Variants in RASA3 observed in about 807,000 individuals in gnomAD.
RASA3 encodes RAS p21 protein activator 3.
Under a neutral mutation model 110.0 loss-of-function variants are expected in RASA3, and 73 were observed. That is an observed-to-expected ratio of 0.66 (90% CI 0.55 to 0.81). The LOEUF (loss-of-function observed/expected upper bound fraction) is 0.81. Among genes scored for constraint, RASA3 ranks in the 30% least tolerant of loss-of-function variants. The probability of loss-of-function intolerance (pLI) is 0.00; values close to 1 mark genes in which losing one functional copy is unlikely to be tolerated. For missense variants in RASA3, 976 were observed against 1,113.2 expected (o/e 0.88, Z 1.75); for synonymous variants, 500 against 451.4 (o/e 1.11, Z -1.37).
intron 2 of RASA3, among the ~76,000 whole-genome samples, chr13:114,053,597 C>T (rs1214058410): frequency 6.6e-6 from 1 of 152,212 alleles, no homozygotes; most frequent in Admixed American, 6.5e-5. Context: ...GGCACAGGCC[C>T]CACCCCAGCC....
At chr13:114,125,936 C>T (rs1403771770) in intron 1 of RASA3, among the ~76,000 whole-genome samples, 1 of 123,458 alleles carries the variant, frequency 8.1e-6, no homozygotes, top group Non-Finnish European at 1.7e-5. Context: ...GGTACCGGCA[C>T]CTGCTGCCCA....
At chr13:114,101,937 C>T (rs1370652407) in intron 1 of RASA3, among the ~76,000 whole-genome samples, 3 of 152,162 alleles carry the variant, frequency 2.0e-5, no homozygotes, top group African/African-American at 4.8e-5. Flanking sequence ...TAAAGACAGA[C>T]GGGGCCCTCT....
At position 114,109,158 on chromosome 13, in the gene RASA3, C is replaced by T. The variant is rs1046192347; in HGVS notation, c.55+23277G>A. ...GGCCTGACAAACACACACGGGCCCC[C>T]GAACACGACCGGCTCCGTGACCGTC... is the stretch of plus-strand genomic sequence containing the variant. On this transcript the variant is annotated intron_variant, in intron 1 of 23. Transcript: ENST00000334062. 2.6e-5 allele frequency among the ~76,000 whole-genome samples: 4 copies of T among 152,302 alleles called. No individual in the cohort carries two copies. The South Asian group carries it at 8.3e-4, about 32-fold the overall frequency.
intron 1 of RASA3, among the ~76,000 whole-genome samples, chr13:114,090,916 A>G (rs1422193636): frequency 6.6e-6 from 1 of 152,166 alleles, no homozygotes; most frequent in Non-Finnish European, 1.5e-5. Context: ...AGGTTTCCCT[A>G]TAAAATCTGT....
intron 3 of RASA3, among the ~76,000 whole-genome samples, chr13:114,043,864 C>CT (rs2078989756): frequency 2.1e-4 from 2 of 9,688 alleles, no homozygotes; most frequent in Non-Finnish European, 3.3e-4. Context: ...ACTCGCTGAG[C>CT]CCCCCCGCCC....
In RASA3 at chr13:114,032,791, C is replaced by T. The variant is rs375723804; in HGVS notation, c.373-2904G>A. On this transcript the variant is annotated intron_variant, in intron 4 of 23. Coordinates refer to ENST00000334062, the MANE Select transcript of RASA3 (RefSeq NM_007368.4). ...CCACGGCACCCCCACACTGACACCA[C>T]GCCCCACGGCACCCCCACACTGACA... is the stretch of plus-strand genomic sequence containing the variant. Among the ~76,000 whole-genome samples the T allele has an allele frequency of 6.0e-4, 48 of 79,704 alleles. 1 individual carries two copies. Among genetic ancestry groups the T allele is most frequent in the East Asian group, 4.1e-3 (7 of 1,696 alleles). The allele number at this position is 79,704 out of a possible 152,430, so 52.3% of individuals were successfully genotyped here. A position where few individuals can be genotyped will look rare whatever the true frequency, so the allele number is the denominator to read the frequency against.
rs776508706 is a variant in RASA3, at chr13:113,978,979, C to T, written c.*368G>A. 6 of 302,638 alleles carry T rather than the reference C, an allele frequency of 2.0e-5. No homozygotes were observed. The highest frequency in any genetic ancestry group is 3.8e-5 in the Non-Finnish European group (6 of 157,608). The allele number at this position is 302,638 out of a possible 1,614,324, so 18.7% of individuals were successfully genotyped here. On this transcript the variant is annotated 3_prime_UTR_variant, in exon 24 of 24. Transcript: ENST00000334062. ...CAGACGTGCACGAGACTGACGCACA[C>T]ACGGCCGGAGGTGCATGTCACAGTC...
intron 1 of RASA3, among the ~76,000 whole-genome samples, chr13:114,130,098 A>G (rs950886914): frequency 1.3e-5 from 2 of 152,202 alleles, no homozygotes; most frequent in Non-Finnish European, 2.9e-5. Flanking sequence ...CCGGGGTATC[A>G]GGCCAGCAGC....
At chr13:114,017,441 G>A in intron 11 of RASA3, 90 bp from the exon 12 acceptor site, 6 of 1,058,422 alleles carry the variant, frequency 5.7e-6, no homozygotes, top group Admixed American at 3.4e-5. Context: ...CTGCCTGTGG[G>A]CTGTGAGGTC....
At position 114,038,763 on chromosome 13, in the gene RASA3, C is replaced by T. The variant is rs554462990; in HGVS notation, c.372+2237G>A. ...GAGGGTTCCCGAGGGATGAGGGTTC[C>T]AGGAGGATGAGGGTTGCCGGGGGAC... On this transcript the variant is annotated intron_variant, in intron 4 of 23. Coordinates refer to ENST00000334062, the MANE Select transcript of RASA3 (RefSeq NM_007368.4). Among the ~76,000 whole-genome samples the T allele has an allele frequency of 4.6e-5, 7 of 152,184 alleles. No homozygotes were observed. In the South Asian group the frequency reaches 1.5e-3, roughly 32 times the overall value.
At position 114,122,663 on chromosome 13, in the gene RASA3, T is replaced by C. The variant is rs2080393918; in HGVS notation, c.55+9772A>G. On this transcript the variant is annotated intron_variant, in intron 1 of 23. Coordinates refer to ENST00000334062, the MANE Select transcript of RASA3 (RefSeq NM_007368.4). ...CCCATTGGAGGGAAATGTTCTGACA[T>C]GGAAGCAGAGGGCACAGCATTCAGG... Among the ~76,000 whole-genome samples, 3 of 148,558 alleles carry C rather than the reference T, an allele frequency of 2.0e-5. No homozygotes were observed. The Admixed American group carries it at 2.0e-4, about 10-fold the overall frequency.
chr13:114,007,894 T>C (rs1430371958), intron 17 of RASA3, among the ~76,000 whole-genome samples: 1 of 152,252 alleles, frequency 6.6e-6, no homozygotes, highest in African/African-American at 2.4e-5. Context: ...AAGCAGGGAA[T>C]CTGGGTCCCG....
chr13:114,040,995 C>T lies in RASA3; in HGVS notation c.372+5G>A, dbSNP rs754035020. 2 of 1,613,414 alleles carry T rather than the reference C, an allele frequency of 1.2e-6. No individual in the cohort carries two copies. Among genetic ancestry groups the T allele is most frequent in the South Asian group, 1.1e-5 (1 of 91,072 alleles). Reference sequence around the variant, plus strand: ...TGGTTTCCGGGGCTGCGCCGAGAGTCTCACCTGCACTTCCGAGTCAGCGTC... The same window carrying T: ...TGGTTTCCGGGGCTGCGCCGAGAGTTTCACCTGCACTTCCGAGTCAGCGTC... On this transcript the variant is annotated splice_donor_5th_base_variant and intron_variant, in intron 4 of 23. Transcript: ENST00000334062.
At chr13:114,077,992 G>GAAA (rs112524043) in intron 1 of RASA3, 414 of 902,358 alleles carry the variant, frequency 4.6e-4, no homozygotes, top group Middle Eastern at 1.1e-3. Flanking sequence ...CATTGAAACA[G>GAAA]AAAAAAAAAA....
chr13:114,120,716 A>G (rs1327857393), intron 1 of RASA3, among the ~76,000 whole-genome samples: 1 of 152,254 alleles, frequency 6.6e-6, no homozygotes, highest in Non-Finnish European at 1.5e-5. Context: ...CCCCACAGAT[A>G]ACACGGAAAG....
chr13:114,054,967 CGTGTGTGCCCATGG>C (rs1187684598), intron 2 of RASA3, among the ~76,000 whole-genome samples: 1 of 136,442 alleles, frequency 7.3e-6, no homozygotes, highest in Non-Finnish European at 1.6e-5. Flanking sequence ...GGTGTGTGCA[CGTGTGTGCCCATGG>C]GTGTGTGCAC....
At chr13:114,012,927 C>CACACTCCTCATTCCACAA (rs2053671984) in intron 15 of RASA3, among the ~76,000 whole-genome samples, 1 of 142,208 alleles carries the variant, frequency 7.0e-6, no homozygotes, top group Non-Finnish European at 1.6e-5. Flanking sequence ...ACGCACTCCA[C>CACACTCCTCATTCCACAA]ACACTCCTCA....
At chr13:114,052,477 A>G (rs1350579263) in intron 2 of RASA3, among the ~76,000 whole-genome samples, 1 of 152,212 alleles carries the variant, frequency 6.6e-6, no homozygotes, top group African/African-American at 2.4e-5. Context: ...GTGCAGCCTC[A>G]GGGCCATCGT....
At chr13:114,030,556 A>ACAGAGGGCAAGGCTCACACAGAGG (rs1566502203) in intron 4 of RASA3, among the ~76,000 whole-genome samples, 2 of 103,056 alleles carry the variant, frequency 1.9e-5, no homozygotes, top group African/African-American at 7.2e-5. Flanking sequence ...TCACACAGAC[A>ACAGAGGGCAAGGCTCACACAGAGG]GCAAGGCTCA....
Sources: allele counts gnomAD v4.1 joint callset (sites outside exome capture counted in the v4.1 genomes callset), GRCh38; gene constraint gnomAD v4.1.1; transcripts MANE v1.5; gene names NCBI Gene and HGNC (gene_info 2026-07-23, HGNC 2026-07-21).